FBXO6: variants seen among roughly 807,000 people sequenced by gnomAD.
The protein encoded by FBXO6 is F-box protein 6.
In FBXO6, 13 loss-of-function variants were observed where a neutral mutation model predicts 25.0. That is an observed-to-expected ratio of 0.52 (90% CI 0.34 to 0.83). The LOEUF (loss-of-function observed/expected upper bound fraction) is 0.83, where lower values mean the gene tolerates loss of function less well. FBXO6 is among the 40% of genes least tolerant of loss of function. The pLI is 0.02. For synonymous variants in FBXO6, 138 were observed against 155.3 expected (o/e 0.89, Z 0.83); for missense variants, 370 against 380.2 (o/e 0.97, Z 0.22).
chr1:11,665,802 G>A (rs74886336), intron 1 of FBXO6, among the ~76,000 whole-genome samples: 8,745 of 151,644 alleles, frequency 0.058, 324 homozygotes, highest in East Asian at 0.16. Flanking sequence ...CTTGTGATCC[G>A]CCCGCCTCGG....
chr1:11,673,806 G>C lies in FBXO6; in HGVS notation c.837G>C (p.Glu279Asp). ...EAQPGQKHGQ[E>D]EAAQSPYRAV... Reference sequence around the variant, plus strand: ...AGCCTGGGCAGAAGCATGGACAGGAGGAGGCTGCCCAATCGCCCTACCGAG... The same window carrying C: ...AGCCTGGGCAGAAGCATGGACAGGACGAGGCTGCCCAATCGCCCTACCGAG... Residue 279 changes from glutamate (E) to aspartate (D), a missense_variant, in exon 6 of 6, where the codon GAG becomes GAC. Physicochemically the swap from Glu to Asp is conservative, Grantham distance 45 (BLOSUM62 2). Coordinates refer to ENST00000376753, the MANE Select transcript of FBXO6 (RefSeq NM_018438.6). The surrounding 1 kb of genome is among the most constrained non-coding windows in gnomAD (Gnocchi z 4.3). The C allele has an allele frequency of 6.2e-7, 1 of 1,614,138 alleles. No homozygotes were observed.
At chr1:11,665,429 G>A (rs1355335800) in intron 1 of FBXO6, among the ~76,000 whole-genome samples, 2 of 150,190 alleles carry the variant, frequency 1.3e-5, no homozygotes, top group Non-Finnish European at 3.0e-5. Flanking sequence ...CTAATTTTTT[G>A]TATTTTTAGT....
At position 11,668,931 on chromosome 1, in the gene FBXO6, C is replaced by T; in HGVS notation, c.273C>T (p.Asn91=). The change falls in exon 2 of 6, where the codon AAC becomes AAT. Residue 91 remains asparagine, a synonymous_variant. Transcript: ENST00000376753. ...GCCTGCATAGGAACCTCCTGCGCAACCCGTGTGCTGAAGGTGGCATGGGGG... is the reference window on the plus strand; with the variant it reads ...GCCTGCATAGGAACCTCCTGCGCAATCCGTGTGCTGAAGGTGGCATGGGGG... ...LRSLHRNLLR[N]PCAEEDMFAW... 2 of 1,613,628 alleles carry T rather than the reference C, an allele frequency of 1.2e-6. No homozygotes were observed. The highest frequency in any genetic ancestry group is 1.1e-5 in the South Asian group (1 of 91,078).
At chr1:11,668,985 C>T (rs1431063722) in intron 2 of FBXO6, 41 bp downstream of exon 2, 1 of 1,601,292 alleles carries the variant, frequency 6.2e-7, no homozygotes, top group African/African-American at 1.3e-5. Context: ...CAGGCTCGTT[C>T]CTTCTCATCC....
rs1230428270 is a variant in FBXO6, at chr1:11,673,301, C to T, written c.534C>T (p.Gly178=). 2 of 1,613,830 alleles carry T rather than the reference C, an allele frequency of 1.2e-6. No homozygotes were observed. The highest frequency in any genetic ancestry group is 1.1e-5 in the South Asian group (1 of 91,016). Residue 178 remains glycine, a synonymous_variant, in exon 5 of 6, where the codon GGC becomes GGT. Transcript: ENST00000376753. This position sits in a 1 kb window ranked among gnomAD's most constrained non-coding sequence, Gnocchi z 4.3. ...GGTTTGCTGCCAGAGCCGACTGTGG[C>T]TGCACCTACCAACTCAAAGTGCAGC... The part of the protein sequence containing the change: ...KDWFAARADC[G]CTYQLKVQLA...
intron 3 of FBXO6, 96 bp downstream of exon 3, chr1:11,671,488 T>C (rs1640614758): frequency 1.3e-6 from 2 of 1,541,306 alleles, no homozygotes; most frequent in East Asian, 4.6e-5. Flanking sequence ...AGGGAAGTCC[T>C]CTCTGCGAAG....
intron 1 of FBXO6, among the ~76,000 whole-genome samples, chr1:11,667,984 C>A (rs773669931): frequency 6.7e-6 from 1 of 150,260 alleles, no homozygotes; most frequent in Non-Finnish European, 1.5e-5. Flanking sequence ...CCCAACTACT[C>A]GGGAGGCTGA....
chr1:11,669,231 C>T (rs898776061), intron 2 of FBXO6, among the ~76,000 whole-genome samples: 3 of 152,066 alleles, frequency 2.0e-5, no homozygotes, highest in South Asian at 4.1e-4. Context: ...TTTGGGAGGC[C>T]GAGATGGGCG....
chr1:11,665,505 T>A (rs1365073830), intron 1 of FBXO6, among the ~76,000 whole-genome samples: 1 of 146,460 alleles, frequency 6.8e-6, no homozygotes, highest in Non-Finnish European at 1.5e-5. Context: ...TCCGCCCACC[T>A]CGGCCTCCCA....
chr1:11,669,714 GTGTATACA>G (rs1324751452), intron 2 of FBXO6, among the ~76,000 whole-genome samples: 2 of 129,580 alleles, frequency 1.5e-5, no homozygotes, highest in African/African-American at 6.5e-5. Flanking sequence ...ATACATATAT[GTGTATACA>G]TATATACATA....
At chr1:11,667,855 G>A (rs557502454) in intron 1 of FBXO6, among the ~76,000 whole-genome samples, 1 of 152,176 alleles carries the variant, frequency 6.6e-6, no homozygotes, top group Admixed American at 6.5e-5. Context: ...CACTTTGGGA[G>A]GCCGAGGTGG....
In FBXO6 at chr1:11,668,852, C is replaced by T. The variant is rs1173017938; in HGVS notation, c.194C>T (p.Thr65Ile). Residue 65 changes from threonine to isoleucine, a missense_variant, in exon 2 of 6, where the codon ACC becomes ATC. By Grantham distance (89) the Thr-to-Ile change is moderately conservative. Transcript: ENST00000376753. ...KRKCLREGFI[T>I]KDWDQPVADW... is the part of the protein sequence containing the mutation. ...AAGTGCCTGCGAGAGGGCTTCATCACCAAGGACTGGGACCAGCCCGTGGCC... is the reference window on the plus strand; with the variant it reads ...AAGTGCCTGCGAGAGGGCTTCATCATCAAGGACTGGGACCAGCCCGTGGCC... 1.2e-6 allele frequency: 2 copies of T among 1,614,218 alleles called. No individual in the cohort carries two copies. Among genetic ancestry groups the T allele is most frequent in the African/African-American group, 1.3e-5 (1 of 75,052 alleles).
At chr1:11,670,283 G>C (rs1239918797) in intron 2 of FBXO6, among the ~76,000 whole-genome samples, 1 of 151,006 alleles carries the variant, frequency 6.6e-6, no homozygotes, top group Non-Finnish European at 1.5e-5. Context: ...TGTCTTCTAA[G>C]GTCCTCTAAG....
At chr1:11,671,436 G>A in intron 3 of FBXO6, 44 bp downstream of exon 3, 1 of 1,594,358 alleles carries the variant, frequency 6.3e-7, no homozygotes, top group Non-Finnish European at 8.6e-7. Flanking sequence ...AGGGGACAGA[G>A]GGTCAGGACA....
chr1:11,674,172 C>T lies in FBXO6; in HGVS notation c.*321C>T, dbSNP rs1254355328. 7 of 300,298 alleles carry T rather than the reference C, an allele frequency of 2.3e-5. No individual in the cohort carries two copies. Among genetic ancestry groups the T allele is most frequent in the Middle Eastern group, 1.2e-3 (1 of 836 alleles). The allele number at this position is 300,298 out of a possible 1,614,324, so 18.6% of individuals were successfully genotyped here. On this transcript the variant is annotated 3_prime_UTR_variant, in exon 6 of 6. Transcript: ENST00000376753. This position sits in a 1 kb window ranked among gnomAD's most constrained non-coding sequence, Gnocchi z 6.1. ...ACAAAAAATTAGCCGGGCGTGGTGG[C>T]GGGCGCCTGTAGTCCCAGCTACTCG...
At chr1:11,670,336 C>T (rs1174124802) in intron 2 of FBXO6, among the ~76,000 whole-genome samples, 1 of 152,084 alleles carries the variant, frequency 6.6e-6, no homozygotes, top group East Asian at 1.9e-4. Context: ...CCCACCAGGC[C>T]CACCTAATGG....
At chr1:11,672,643 G>T (rs1270876803) in intron 4 of FBXO6, among the ~76,000 whole-genome samples, 1 of 152,148 alleles carries the variant, frequency 6.6e-6, no homozygotes, top group Non-Finnish European at 1.5e-5. Context: ...TCTCTGGACT[G>T]GGTGGGAACC....
rs113558790 is a variant in FBXO6 at position 11,669,737 on chromosome 1, TACAC to T, written c.286+815_286+818del. 4.4e-4 allele frequency among the ~76,000 whole-genome samples: 61 copies of T among 138,998 alleles called. 2 individuals carry two copies. The highest frequency in any genetic ancestry group is 3.2e-3 in the South Asian group (14 of 4,316). The allele number at this position is 138,998 out of a possible 152,430, so 91.2% of individuals were successfully genotyped here. On this transcript the variant is annotated intron_variant, in intron 2 of 5. Coordinates refer to ENST00000376753, the MANE Select transcript of FBXO6 (RefSeq NM_018438.6). ...ATGTGTATACATATATACATATACA[TACAC>T]ACACACACACACACACACACAAGTA...
rs373475497 is a variant in FBXO6, at chr1:11,667,991, C to G, written c.-3-665C>G. Among the ~76,000 whole-genome samples the G allele has an allele frequency of 1.0e-3, 155 of 150,952 alleles. 2 individuals are homozygous for G. Among genetic ancestry groups the G allele is most frequent in the African/African-American group, 3.8e-3 (154 of 41,034 alleles). On this transcript the variant is annotated intron_variant, in intron 1 of 5. Coordinates refer to ENST00000376753, the MANE Select transcript of FBXO6 (RefSeq NM_018438.6). ...CCTATAGTCCCAACTACTCGGGAGG[C>G]TGAGGCAGGAGAATCGCTTGAACCC... is the stretch of plus-strand genomic sequence containing the variant.
Sources: gnomAD v4.1 joint callset for allele counts (sites outside exome capture counted in the v4.1 genomes callset) on GRCh38, gnomAD v4.1.1 for gene constraint, Gnocchi (gnomAD v3.1) non-coding constraint, MANE v1.5 for transcripts, NCBI Gene and HGNC (gene_info 2026-07-23, HGNC 2026-07-21) for gene names.